Variants in WDR17 observed in about 807,000 individuals in gnomAD.
WDR17 encodes WD repeat domain 17.
A neutral mutation model predicts 161.7 loss-of-function variants in WDR17; 143 were observed. The ratio of observed to expected loss-of-function variants is 0.88; its 90% CI spans 0.77 to 1.02. WDR17 has a LOEUF of 1.02. WDR17 is among the 50% of genes least tolerant of loss of function. The pLI is 0.00. For missense variants in WDR17, 1,469 were observed against 1,520.9 expected (o/e 0.97, Z 0.57); for synonymous variants, 517 against 515.6 (o/e 1.00, Z -0.04).
intron 2 of WDR17, among the ~76,000 whole-genome samples, chr4:176,112,138 T>C (rs1322313147): frequency 6.6e-6 from 1 of 152,168 alleles, no homozygotes; most frequent in Non-Finnish European, 1.5e-5. Flanking sequence ...CATGTTAAAA[T>C]CAAAGTCCAG....
chr4:176,122,209 A>G (rs1741704514), intron 4 of WDR17, among the ~76,000 whole-genome samples: 1 of 152,104 alleles, frequency 6.6e-6, no homozygotes, highest in African/African-American at 2.4e-5. Flanking sequence ...GGCACGTGGC[A>G]TCCCTGCTGT....
At chr4:176,067,400 A>G (rs1204211791) in intron 1 of WDR17, among the ~76,000 whole-genome samples, 1 of 152,242 alleles carries the variant, frequency 6.6e-6, no homozygotes, top group Non-Finnish European at 1.5e-5. Context: ...TTCAAAGGGC[A>G]TATACGGAAA....
At position 176,115,846 on chromosome 4, in the gene WDR17, T is replaced by TA. The variant is rs769084776; in HGVS notation, c.181dup (p.Thr61AsnfsTer11). 1 of 1,611,406 alleles carries TA rather than the reference T, an allele frequency of 6.2e-7. No individual in the cohort carries two copies. Among genetic ancestry groups the TA allele is most frequent in the African/African-American group, 1.3e-5 (1 of 74,948 alleles). On this transcript the variant is annotated frameshift_variant, in exon 3 of 29. Coordinates refer to ENST00000508596, the MANE Select transcript of WDR17 (RefSeq NM_181265.4). LOFTEE classifies it high-confidence loss of function. Reference sequence around the variant, plus strand: ...AACTTCACGCAATTATGTCTGAACATAAAAAAACAATCACAGCAATTTCTT... The same window carrying TA: ...AACTTCACGCAATTATGTCTGAACATAAAAAAAACAATCACAGCAATTTCTT...
At chr4:176,136,181 A>G (rs956036882) in intron 8 of WDR17, among the ~76,000 whole-genome samples, 26 of 151,618 alleles carry the variant, frequency 1.7e-4, no homozygotes, top group African/African-American at 5.6e-4. Flanking sequence ...TGTATCCTTC[A>G]TCTCCTACAA....
chr4:176,087,799 TGTG>T (rs989211956), intron 1 of WDR17, among the ~76,000 whole-genome samples: 11 of 152,244 alleles, frequency 7.2e-5, no homozygotes, highest in African/African-American at 2.6e-4. Context: ...TTTCAGCCAT[TGTG>T]TTTTTCAGTT....
chr4:176,143,895 T>A (rs2126795895), intron 11 of WDR17, among the ~76,000 whole-genome samples: 1 of 152,254 alleles, frequency 6.6e-6, no homozygotes, highest in South Asian at 2.1e-4. Context: ...CACACCATTC[T>A]ACTGCTTAAA....
chr4:176,167,539 G>C (rs1022646401), intron 22 of WDR17, among the ~76,000 whole-genome samples: 1 of 148,672 alleles, frequency 6.7e-6, no homozygotes, highest in African/African-American at 2.5e-5. Context: ...CCAGCTACTC[G>C]GGAGGCTGAG....
chr4:176,172,793 G>T (rs1750923636), intron 24 of WDR17, among the ~76,000 whole-genome samples: 1 of 152,040 alleles, frequency 6.6e-6, no homozygotes, highest in Non-Finnish European at 1.5e-5. Flanking sequence ...GAGAGCAGGG[G>T]CAGAGAGAAG....
At chr4:176,128,494 A>C (rs761079550) in intron 5 of WDR17, among the ~76,000 whole-genome samples, 1 of 152,160 alleles carries the variant, frequency 6.6e-6, no homozygotes, top group Non-Finnish European at 1.5e-5. Context: ...GAAGCTGCCA[A>C]AACAGGCCGT....
chr4:176,175,812 G>A (rs1751368573), intron 26 of WDR17, among the ~76,000 whole-genome samples: 1 of 152,160 alleles, frequency 6.6e-6, no homozygotes, highest in South Asian at 2.1e-4. Context: ...GCCTGCCTCG[G>A]CCTCCCAAAG....
At chr4:176,086,861 C>T (rs1735486647) in intron 1 of WDR17, among the ~76,000 whole-genome samples, 1 of 151,710 alleles carries the variant, frequency 6.6e-6, no homozygotes, top group Non-Finnish European at 1.5e-5. Flanking sequence ...ATTAATTACA[C>T]TTTCCTTCAA....
intron 11 of WDR17, among the ~76,000 whole-genome samples, chr4:176,142,400 A>G (rs1745426053): frequency 6.6e-6 from 1 of 152,154 alleles, no homozygotes; most frequent in African/African-American, 2.4e-5. Context: ...CCTTTTTTTA[A>G]TCTCACTTAG....
chr4:176,165,365 G>A (rs574088948), intron 22 of WDR17, among the ~76,000 whole-genome samples: 4 of 151,818 alleles, frequency 2.6e-5, no homozygotes, highest in Non-Finnish European at 5.9e-5. Context: ...GTGAAACTTC[G>A]TCTCAAGGAA....
In WDR17 at chr4:176,115,962, A is replaced by C. The variant is rs1283133940; in HGVS notation, c.290A>C (p.Lys97Thr). The part of the protein sequence containing the change: ...WNVAEQKVIA[K>T]LDSTKGIPAS... Reference sequence around the variant, plus strand: ...GTTGCAGAACAAAAAGTCATTGCTAAACTCGACAGTACAAAAGGTATAATT... The same window carrying C: ...GTTGCAGAACAAAAAGTCATTGCTACACTCGACAGTACAAAAGGTATAATT... Residue 97 changes from lysine (K) to threonine (T), a missense_variant, in exon 3 of 29, where the codon AAA becomes ACA. Physicochemically the swap from Lys to Thr is moderately conservative, Grantham distance 78. Coordinates refer to ENST00000508596, the MANE Select transcript of WDR17 (RefSeq NM_181265.4). The C allele has an allele frequency of 6.2e-7, 1 of 1,606,440 alleles. No homozygotes were observed. Among genetic ancestry groups the C allele is most frequent in the Non-Finnish European group, 8.5e-7 (1 of 1,176,590 alleles).
chr4:176,156,099 T>C lies in WDR17; in HGVS notation c.2481T>C (p.Ile827=), dbSNP rs150393255. 1 of 1,613,710 alleles carries C rather than the reference T, an allele frequency of 6.2e-7. No homozygotes were observed. The change falls in exon 18 of 29, where the codon ATT becomes ATC. Residue 827 remains isoleucine, a synonymous_variant. Transcript: ENST00000508596. ...ELGEWDKALS[I]APGVSVKYWK... is the part of the protein sequence containing the mutation. ...TGTAGTGGGACAAAGCCCTGTCAAT[T>C]GCACCAGGAGTCTCTGTGAAATACT...
Position 176,137,564 on chromosome 4 carries a change from T to C in WDR17, c.1312T>C (p.Phe438Leu). The change falls in exon 9 of 29, where the codon TTT (phenylalanine) becomes CTT (leucine). Residue 438 changes from phenylalanine (F) to leucine (L), a missense_variant. Phe to Leu is a conservative substitution (Grantham distance 22). Transcript: ENST00000508596. ...TGGGGGAACTTCCCGAAATGGTGCTTTTATTTGGAATGTTCAAAAGGGCAA... is the reference window on the plus strand; with the variant it reads ...TGGGGGAACTTCCCGAAATGGTGCTCTTATTTGGAATGTTCAAAAGGGCAA... Reference protein sequence around the residue: ...IAGGTSRNGAFIWNVQKGKII... With the variant: ...IAGGTSRNGALIWNVQKGKII... 6.2e-7 allele frequency: 1 copy of C among 1,601,014 alleles called. No homozygotes were observed. Among genetic ancestry groups the C allele is most frequent in the Non-Finnish European group, 8.5e-7 (1 of 1,171,780 alleles).
intron 26 of WDR17, among the ~76,000 whole-genome samples, chr4:176,175,341 A>C (rs1234643686): frequency 3.9e-5 from 6 of 152,248 alleles, no homozygotes; most frequent in African/African-American, 1.2e-4. Flanking sequence ...ATATTCAGGC[A>C]TAACCTGTTA....
chr4:176,115,272 T>G (rs1236758463), intron 2 of WDR17, among the ~76,000 whole-genome samples: 1 of 152,000 alleles, frequency 6.6e-6, no homozygotes, highest in East Asian at 1.9e-4. Context: ...TGTTTATTTT[T>G]TCTATTTATG....
intron 1 of WDR17, among the ~76,000 whole-genome samples, chr4:176,082,497 G>A (rs1033924551): frequency 4.6e-5 from 7 of 151,840 alleles, no homozygotes; most frequent in East Asian, 1.9e-4. Context: ...CATTACAGTG[G>A]CTTAAAAGTC....
Sources: gnomAD v4.1 joint callset for allele counts (sites outside exome capture counted in the v4.1 genomes callset) on GRCh38, gnomAD v4.1.1 for gene constraint, MANE v1.5 for transcripts, NCBI Gene and HGNC (gene_info 2026-07-23, HGNC 2026-07-21) for gene names.